The following PIWIL2 variants were observed in gnomAD, a reference collection of about 807,000 sequenced individuals.
PIWIL2 encodes the protein piwi like RNA-mediated gene silencing 2, also known as piwi-like protein 2.
In PIWIL2, 81 loss-of-function variants were observed where a neutral mutation model predicts 116.5. The observed-to-expected ratio is 0.70, with a 90% confidence interval of 0.58 to 0.84. PIWIL2 has a LOEUF of 0.84. Ranked by LOEUF, PIWIL2 falls within the 40% of genes least tolerant of loss-of-function variation. The pLI, the probability that PIWIL2 is intolerant of heterozygous loss-of-function variation, is 0.00. For synonymous variants in PIWIL2, 489 were observed against 429.5 expected (o/e 1.14, Z -1.71); for missense variants, 1,272 against 1,212.3 (o/e 1.05, Z -0.73).
At chr8:22,308,256 G>C (rs891608935) in intron 14 of PIWIL2, among the ~76,000 whole-genome samples, 183 bp downstream of exon 14, 1 of 150,730 alleles carries the variant, frequency 6.6e-6, no homozygotes, top group Admixed American at 6.6e-5. Flanking sequence ...ACCTCTGTGC[G>C]TGGTCATATT....
chr8:22,288,529 A>G lies in PIWIL2; in HGVS notation c.862-13A>G, dbSNP rs377450836. 3.1e-6 allele frequency: 5 copies of G among 1,608,232 alleles called. No individual in the cohort carries two copies. The highest frequency in any genetic ancestry group is 4.3e-6 in the Non-Finnish European group (5 of 1,175,724). ...TTGTCATTTTGTTTCACCTGTGTGT[A>G]TTTATTTGTTAGGTTCTTGAGTTAA... On this transcript the variant is annotated splice_polypyrimidine_tract_variant and intron_variant, in intron 7 of 22. Coordinates refer to ENST00000356766, the MANE Select transcript of PIWIL2 (RefSeq NM_018068.5).
At chr8:22,331,863 C>G (rs960708199) in intron 20 of PIWIL2, among the ~76,000 whole-genome samples, 5 of 151,952 alleles carry the variant, frequency 3.3e-5, no homozygotes, top group African/African-American at 1.2e-4. Context: ...ACCTTAAGTA[C>G]CTCTTTTAAG....
chr8:22,301,841 G>C (rs1178035609), intron 10 of PIWIL2, among the ~76,000 whole-genome samples: 1 of 152,046 alleles, frequency 6.6e-6, no homozygotes, highest in Non-Finnish European at 1.5e-5. Context: ...ACATGTTTAA[G>C]TATCATAGCA....
At chr8:22,302,401 G>A (rs1191663940) in intron 10 of PIWIL2, among the ~76,000 whole-genome samples, 3 of 151,978 alleles carry the variant, frequency 2.0e-5, no homozygotes, top group Non-Finnish European at 2.9e-5. Flanking sequence ...GGATGGTCTC[G>A]ATCTCTTGAC....
At position 22,307,933 on chromosome 8, in the gene PIWIL2, G is replaced by A; in HGVS notation, c.1546G>A (p.Asp516Asn). 2 of 1,603,188 alleles carry A rather than the reference G, an allele frequency of 1.2e-6. No individual in the cohort carries two copies. The highest frequency in any genetic ancestry group is 1.7e-6 in the Non-Finnish European group (2 of 1,172,856). ...TTATCTTTATTTTAATTCTGTTTAG[G>A]ATTTGGCTCAGCAAATCAATCTGAG... ...KMKKDFRAMK[D>N]LAQQINLSPK... Residue 516 changes from aspartate (D) to asparagine (N), a missense_variant and splice_region_variant, in exon 14 of 23, where the codon GAT (aspartate) becomes AAT (asparagine). By Grantham distance (23) the Asp-to-Asn change is conservative (BLOSUM62 1). Coordinates refer to ENST00000356766, the MANE Select transcript of PIWIL2 (RefSeq NM_018068.5).
intron 10 of PIWIL2, among the ~76,000 whole-genome samples, chr8:22,294,938 G>A (rs919035754): frequency 6.7e-6 from 1 of 149,396 alleles, no homozygotes; most frequent in African/African-American, 2.5e-5. Context: ...AATTAACTGG[G>A]CGTGGTGGCG....
chr8:22,288,405 A>G (rs1830679934), intron 7 of PIWIL2, 137 bp from the exon 8 acceptor site: 4 of 557,578 alleles, frequency 7.2e-6, no homozygotes, highest in Non-Finnish European at 1.2e-5. Flanking sequence ...TAGTGTGGGC[A>G]ACAAAGTGAG....
intron 6 of PIWIL2, among the ~76,000 whole-genome samples, chr8:22,286,611 A>G (rs1162059414): frequency 6.6e-6 from 1 of 152,134 alleles, no homozygotes; most frequent in African/African-American, 2.4e-5. Context: ...GGTAACAACA[A>G]CAAAAAATTT....
intron 19 of PIWIL2, among the ~76,000 whole-genome samples, chr8:22,317,809 G>A (rs1459830261): frequency 2.6e-5 from 4 of 151,930 alleles, no homozygotes; most frequent in East Asian, 3.9e-4. Context: ...ACAGGTGTCC[G>A]CCACCACGCC....
intron 14 of PIWIL2, 139 bp from the exon 15 acceptor site, chr8:22,309,819 TTTA>T: frequency 1.8e-6 from 1 of 547,346 alleles, no homozygotes; most frequent in South Asian, 3.0e-5. Flanking sequence ...TGCTAGAAGC[TTTA>T]TTATTCTGCT....
intron 20 of PIWIL2, among the ~76,000 whole-genome samples, chr8:22,352,245 C>T (rs570369772): frequency 2.2e-4 from 33 of 152,332 alleles, no homozygotes; most frequent in Admixed American, 5.9e-4. Flanking sequence ...GTGCCTGGCC[C>T]TTCTTGAATT....
At chr8:22,301,934 T>C (rs188425472) in intron 10 of PIWIL2, among the ~76,000 whole-genome samples, 149 of 152,296 alleles carry the variant, frequency 9.8e-4, no homozygotes, top group Non-Finnish European at 1.6e-3. Context: ...ATGTGTAGGT[T>C]CTGTGTTTCA....
chr8:22,314,495 G>T lies in PIWIL2; in HGVS notation c.2091+66G>T, dbSNP rs1831406735. On this transcript the variant is annotated intron_variant, in intron 17 of 22. Transcript: ENST00000356766. Reference sequence around the variant, plus strand: ...CGCCTCCCCGAGGCTTGAGAAGAGGGATATGTGTGTTCACAAAGACTAAAG... The same window carrying T: ...CGCCTCCCCGAGGCTTGAGAAGAGGTATATGTGTGTTCACAAAGACTAAAG... The T allele has an allele frequency of 2.2e-5, 16 of 727,570 alleles. 1 individual carries two copies. The South Asian group carries it at 3.3e-4, about 15-fold the overall frequency. 45.1% of individuals were successfully genotyped at this position (727,570 alleles called of 1,614,324 possible).
intron 20 of PIWIL2, among the ~76,000 whole-genome samples, chr8:22,350,286 C>CA (rs201370978): frequency 0.06 from 9,170 of 151,744 alleles, 344 homozygotes; most frequent in Admixed American, 0.092. Flanking sequence ...GCTGGAAAGC[C>CA]AAAAAAAATT....
At chr8:22,278,194 A>G (rs1179612193) in intron 1 of PIWIL2, among the ~76,000 whole-genome samples, 1 of 151,282 alleles carries the variant, frequency 6.6e-6, no homozygotes, top group Admixed American at 6.6e-5. Flanking sequence ...GAGGAAAAGA[A>G]ATTGTTTATA....
intron 20 of PIWIL2, among the ~76,000 whole-genome samples, chr8:22,322,997 A>G (rs759125007): frequency 2.6e-5 from 4 of 151,294 alleles, no homozygotes; most frequent in Non-Finnish European, 4.4e-5. Context: ...GCTCACTGCA[A>G]CTTCCGCCTC....
At chr8:22,339,608 C>G (rs561109795) in intron 20 of PIWIL2, among the ~76,000 whole-genome samples, 6 of 152,204 alleles carry the variant, frequency 3.9e-5, no homozygotes, top group Admixed American at 3.3e-4. Context: ...ACGCTGGAAG[C>G]AAAAGCAGCC....
chr8:22,311,806 A>G (rs1265037957), intron 16 of PIWIL2, among the ~76,000 whole-genome samples: 3 of 152,194 alleles, frequency 2.0e-5, no homozygotes, highest in Non-Finnish European at 4.4e-5. Context: ...CTGTTTGTAA[A>G]TAAAATCGAA....
intron 20 of PIWIL2, among the ~76,000 whole-genome samples, chr8:22,324,576 C>T (rs540026391): frequency 1.7e-4 from 26 of 152,260 alleles, no homozygotes; most frequent in African/African-American, 6.0e-4. Flanking sequence ...AGGTACAGTT[C>T]ACCCCCATCA....
Sources: gnomAD v4.1 joint callset for allele counts (sites outside exome capture counted in the v4.1 genomes callset) on GRCh38, gnomAD v4.1.1 for gene constraint, MANE v1.5 for transcripts, NCBI Gene and HGNC (gene_info 2026-07-23, HGNC 2026-07-21) for gene names.